IFRD1: variants seen among roughly 807,000 people sequenced by gnomAD.
IFRD1 encodes the protein interferon related developmental regulator 1.
Under a neutral mutation model 52.9 loss-of-function variants are expected in IFRD1, and 35 were observed. The observed-to-expected ratio is 0.66, with a 90% CI of 0.51 to 0.88. The LOEUF (loss-of-function observed/expected upper bound fraction) is 0.88, where lower values mean the gene tolerates loss of function less well. Ranked by LOEUF, IFRD1 falls within the 40% of genes least tolerant of loss-of-function variation. The probability of loss-of-function intolerance (pLI) is 0.00; values close to 1 mark genes in which losing one functional copy is unlikely to be tolerated. For synonymous variants in IFRD1, 184 were observed against 188.4 expected (o/e 0.98, Z 0.19); for missense variants, 517 against 550.8 (o/e 0.94, Z 0.61).
rs554079702 is a variant in IFRD1, at chr7:112,457,215, G to T, written c.409+177G>T. 6.7e-5 allele frequency: 46 copies of T among 681,992 alleles called. 1 individual carries two copies. The South Asian group carries it at 7.7e-4, about 11-fold the overall frequency. 42.2% of individuals were successfully genotyped at this position (681,992 alleles called of 1,614,324 possible). ...TGAGACTTGTTAGAACTTTGTTTTT[G>T]TATTACGTAAACCAAAAAAAAATAG... On this transcript the variant is annotated intron_variant, in intron 4 of 11. Coordinates refer to ENST00000403825, the MANE Select transcript of IFRD1 (RefSeq NM_001550.4).
chr7:112,434,821 A>T (rs917337874), intron 1 of IFRD1, among the ~76,000 whole-genome samples: 2 of 152,252 alleles, frequency 1.3e-5, no homozygotes, highest in East Asian at 1.9e-4. Flanking sequence ...GTACAGAATG[A>T]TTCAAAAAGA....
At chr7:112,441,313 G>A (rs1187869248) in intron 1 of IFRD1, among the ~76,000 whole-genome samples, 1 of 148,380 alleles carries the variant, frequency 6.7e-6, no homozygotes, top group Non-Finnish European at 1.5e-5. Context: ...AAAATTAGCC[G>A]AGCATGGTGG....
intron 1 of IFRD1, among the ~76,000 whole-genome samples, chr7:112,432,775 T>C: frequency 6.6e-6 from 1 of 152,158 alleles, no homozygotes; most frequent in Non-Finnish European, 1.5e-5. Context: ...CCAAGCACTG[T>C]AGGGGTTTAT....
chr7:112,462,509 A>C, intron 8 of IFRD1, 131 bp downstream of exon 8: 1 of 724,562 alleles, frequency 1.4e-6, no homozygotes, highest in Non-Finnish European at 2.5e-6. Context: ...TTATTTCCCT[A>C]CTTCTTGGCA....
In IFRD1 at chr7:112,477,112, G is replaced by T. The variant is rs1795922877; in HGVS notation, c.*1593G>T. 6.6e-6 allele frequency: 1 copy of T among 152,108 alleles called. No homozygotes were observed. The highest frequency in any genetic ancestry group is 6.6e-5 in the Admixed American group (1 of 15,260). The allele number at this position is 152,108 out of a possible 1,614,324, so 9.4% of individuals were successfully genotyped here. On this transcript the variant is annotated 3_prime_UTR_variant, in exon 12 of 12. Coordinates refer to ENST00000403825, the MANE Select transcript of IFRD1 (RefSeq NM_001550.4). Reference sequence around the variant, plus strand: ...GAACCATGGAAAAGAGATTGCAAATGGTAGTTTCTTCTAGATATTCAAATG... The same window carrying T: ...GAACCATGGAAAAGAGATTGCAAATTGTAGTTTCTTCTAGATATTCAAATG...
Position 112,456,537 on chromosome 7 carries a change from A to C in IFRD1, c.285-377A>C, listed in dbSNP as rs201499412. On this transcript the variant is annotated intron_variant, in intron 3 of 11. Transcript: ENST00000403825. ...TCAGAACTGACCTTAATAGAATTAA[A>C]AAGCCCTGAAGATGCAATTCTAGAC... Among the ~76,000 whole-genome samples the C allele has an allele frequency of 1.3e-3, 200 of 152,282 alleles. 5 individuals carry two copies. The East Asian group carries it at 0.036, about 27-fold the overall frequency.
intron 1 of IFRD1, among the ~76,000 whole-genome samples, chr7:112,451,706 C>G (rs1795170240): frequency 6.6e-6 from 1 of 152,134 alleles, no homozygotes; most frequent in Non-Finnish European, 1.5e-5. Context: ...GAAGGCCCTT[C>G]TAGGAGAGAC....
chr7:112,446,613 G>C (rs1795035989), upstream of IFRD1, among the ~76,000 whole-genome samples: 1 of 152,148 alleles, frequency 6.6e-6, no homozygotes. Context: ...AATGGAGAGT[G>C]GAAGAGTGGG....
Position 112,456,903 on chromosome 7 carries a change from G to A in IFRD1, c.285-11G>A, listed in dbSNP as rs1795306082. 2 of 1,612,626 alleles carry A rather than the reference G, an allele frequency of 1.2e-6. No individual in the cohort carries two copies. The highest frequency in any genetic ancestry group is 2.7e-5 in the African/African-American group (2 of 74,874). On this transcript the variant is annotated splice_polypyrimidine_tract_variant and intron_variant, in intron 3 of 11. Coordinates refer to ENST00000403825, the MANE Select transcript of IFRD1 (RefSeq NM_001550.4). ...CTGGATCTTCTTTCTCTTACATTGG[G>A]TGTTAAATAGTGCGAAGACAAGGCA...
At chr7:112,459,118 G>A (rs111966684) in intron 5 of IFRD1, 100 bp downstream of exon 5, 11 of 1,016,262 alleles carry the variant, frequency 1.1e-5, no homozygotes, top group African/African-American at 3.2e-5. Flanking sequence ...GCTGAGGCAA[G>A]AGAGAGGATC....
intron 1 of IFRD1, among the ~76,000 whole-genome samples, chr7:112,427,400 C>T (rs754881869): frequency 1.3e-4 from 20 of 152,196 alleles, no homozygotes; most frequent in Non-Finnish European, 2.5e-4. Flanking sequence ...GACAGCAGTG[C>T]TCCTCTGCCA....
At chr7:112,474,468 A>G (rs1183952143) in intron 11 of IFRD1, among the ~76,000 whole-genome samples, 2 of 152,218 alleles carry the variant, frequency 1.3e-5, no homozygotes, top group African/African-American at 4.8e-5. Flanking sequence ...TACATTTTAT[A>G]GAACCTGGAT....
In IFRD1 at chr7:112,468,122, T is replaced by TAA. The variant is rs1171219059; in HGVS notation, c.1041+7_1041+8insAA. 1 of 1,613,654 alleles carries TAA rather than the reference T, an allele frequency of 6.2e-7. No homozygotes were observed. The highest frequency in any genetic ancestry group is 2.2e-5 in the East Asian group (1 of 44,870). ...TGTCCTGAGGGCAGTGGAGGTAGGCTTCTTAAATGCTGTAATAGCTTCTCA... is the reference window on the plus strand; with the variant it reads ...TGTCCTGAGGGCAGTGGAGGTAGGCTAATCTTAAATGCTGTAATAGCTTCTCA... On this transcript the variant is annotated splice_region_variant and intron_variant, in intron 9 of 11. Coordinates refer to ENST00000403825, the MANE Select transcript of IFRD1 (RefSeq NM_001550.4).
chr7:112,437,543 C>A (rs1234704030), intron 1 of IFRD1, among the ~76,000 whole-genome samples: 2 of 151,986 alleles, frequency 1.3e-5, no homozygotes, highest in Admixed American at 6.6e-5. Context: ...AACTGAGGAA[C>A]AGAGATTTGG....
chr7:112,449,704 G>C (rs567344598), upstream of IFRD1, among the ~76,000 whole-genome samples: 1 of 152,194 alleles, frequency 6.6e-6, no homozygotes, highest in East Asian at 1.9e-4. Context: ...CTGGCAGGTA[G>C]TATTGTCAAG....
In IFRD1 at chr7:112,475,635, G is replaced by A. The variant is rs1299930904; in HGVS notation, c.*116G>A. On this transcript the variant is annotated 3_prime_UTR_variant, in exon 12 of 12. Transcript: ENST00000403825. The stretch of plus-strand genomic sequence containing the variant: ...AACTTAGATAACTTTTGTAGCAGTG[G>A]TTATATTGCTTATAATTTAATGTAC... 5 of 681,506 alleles carry A rather than the reference G, an allele frequency of 7.3e-6. No individual in the cohort carries two copies. The highest frequency in any genetic ancestry group is 7.7e-6 in the Non-Finnish European group (3 of 387,472). The allele number at this position is 681,506 out of a possible 1,614,324, so 42.2% of individuals were successfully genotyped here.
chr7:112,438,986 C>A (rs190723330), intron 1 of IFRD1, among the ~76,000 whole-genome samples: 1 of 152,184 alleles, frequency 6.6e-6, no homozygotes, highest in East Asian at 1.9e-4. Flanking sequence ...ATAACAACAA[C>A]AACAACAACA....
At chr7:112,472,692 A>G (rs1479445794) in intron 10 of IFRD1, 74 bp from the exon 11 acceptor site, 3 of 942,816 alleles carry the variant, frequency 3.2e-6, no homozygotes, top group East Asian at 2.4e-5. Context: ...TCTGTTAATC[A>G]GAGTCACTCT....
At chr7:112,454,846 T>A (rs1795247019) in intron 1 of IFRD1, among the ~76,000 whole-genome samples, 1 of 149,416 alleles carries the variant, frequency 6.7e-6, no homozygotes, top group Non-Finnish European at 1.5e-5. Context: ...AATTATTTCA[T>A]CTTCATATCA....
Sources: allele counts gnomAD v4.1 joint callset (sites outside exome capture counted in the v4.1 genomes callset), GRCh38; gene constraint gnomAD v4.1.1; transcripts MANE v1.5; gene names NCBI Gene and HGNC (gene_info 2026-07-23, HGNC 2026-07-21).